PAPOLA: variants seen among roughly 807,000 people sequenced by gnomAD.
PAPOLA encodes the protein poly(A) polymerase alpha.
In PAPOLA, 15 loss-of-function variants were observed where a neutral mutation model predicts 100.6. That is an observed-to-expected ratio of 0.15 (90% confidence interval 0.10 to 0.23). The LOEUF (loss-of-function observed/expected upper bound fraction) is 0.23. Ranked by LOEUF, PAPOLA falls within the 10% of genes least tolerant of loss-of-function variation. The pLI is 1.00. For missense variants in PAPOLA, 533 were observed against 884.2 expected (o/e 0.60, Z 5.04); for synonymous variants, 293 against 300.0 (o/e 0.98, Z 0.24).
chr14:96,564,370 A>G (rs931991209), intron 21 of PAPOLA, among the ~76,000 whole-genome samples: 4 of 152,118 alleles, frequency 2.6e-5, no homozygotes, highest in African/African-American at 9.6e-5. Flanking sequence ...ATTTTCCATA[A>G]TAAAACTTTT....
At chr14:96,543,620 A>G (rs1376019912) in intron 14 of PAPOLA, among the ~76,000 whole-genome samples, 1 of 151,972 alleles carries the variant, frequency 6.6e-6, no homozygotes, top group Non-Finnish European at 1.5e-5. Context: ...TTCTAATCTT[A>G]ATTATAACAA....
intron 17 of PAPOLA, among the ~76,000 whole-genome samples, chr14:96,554,004 T>C (rs1025311105): frequency 6.6e-6 from 1 of 152,230 alleles, no homozygotes; most frequent in Non-Finnish European, 1.5e-5. Context: ...GTGTTATCAT[T>C]TTAAAAGTTT....
chr14:96,518,505 T>C (rs1459301047), intron 1 of PAPOLA, among the ~76,000 whole-genome samples: 1 of 151,764 alleles, frequency 6.6e-6, no homozygotes, highest in African/African-American at 2.4e-5. Flanking sequence ...GCCTCCCAGG[T>C]TCACGCCATT....
intron 10 of PAPOLA, 56 bp downstream of exon 10, chr14:96,534,619 T>C (rs1300112629): frequency 6.2e-7 from 1 of 1,612,704 alleles, no homozygotes; most frequent in Admixed American, 1.7e-5. Context: ...CAAGTAAAAA[T>C]CATCTGCATA....
In PAPOLA at chr14:96,502,459, C is replaced by T; in HGVS notation, c.-134C>T. ...GGAGAAGCGCTTAAAGCGGCGGGAG[C>T]GGTGCGGGAGAGGGGTTGGACCCAG... On this transcript the variant is annotated 5_prime_UTR_variant, in exon 1 of 22. Coordinates refer to ENST00000216277, the MANE Select transcript of PAPOLA (RefSeq NM_032632.5). 2.8e-6 allele frequency: 2 copies of T among 715,708 alleles called. No individual in the cohort carries two copies. The highest frequency in any genetic ancestry group is 4.9e-6 in the Non-Finnish European group (2 of 404,840). 44.3% of individuals were successfully genotyped at this position (715,708 alleles called of 1,614,324 possible). A position where few individuals can be genotyped will look rare whatever the true frequency, so the allele number is the denominator to read the frequency against.
chr14:96,508,749 C>G (rs1010389095), intron 1 of PAPOLA, among the ~76,000 whole-genome samples: 4 of 152,136 alleles, frequency 2.6e-5, no homozygotes, highest in African/African-American at 9.7e-5. Flanking sequence ...GTGTGTGTGT[C>G]TCTTTTATTC....
chr14:96,522,392 T>A (rs1898076069), intron 3 of PAPOLA, among the ~76,000 whole-genome samples: 1 of 151,982 alleles, frequency 6.6e-6, no homozygotes, highest in Non-Finnish European at 1.5e-5. Flanking sequence ...GTGCTGGGAT[T>A]ACAGGCGTGA....
intron 1 of PAPOLA, among the ~76,000 whole-genome samples, chr14:96,508,360 T>C (rs1331167479): frequency 6.6e-6 from 1 of 152,264 alleles, no homozygotes; most frequent in Non-Finnish European, 1.5e-5. Context: ...GGAGTTTTTG[T>C]AGTGAATTGC....
intron 12 of PAPOLA, chr14:96,537,718 A>G (rs1001026122): frequency 6.6e-6 from 1 of 152,068 alleles, no homozygotes; most frequent in African/African-American, 2.4e-5. Context: ...TAAAAAACAG[A>G]CAAACCACAG....
chr14:96,527,783 G>T (rs1898621158), intron 5 of PAPOLA, 170 bp from the exon 6 acceptor site: 1 of 651,466 alleles, frequency 1.5e-6, no homozygotes, highest in Admixed American at 2.5e-5. Flanking sequence ...TCATACATCT[G>T]ATGAGTGGGT....
chr14:96,545,788 C>T (rs370500861), intron 15 of PAPOLA, among the ~76,000 whole-genome samples: 16 of 151,860 alleles, frequency 1.1e-4, no homozygotes, highest in South Asian at 4.2e-4. Context: ...TTTAGAATGT[C>T]GTATGTAGGG....
intron 3 of PAPOLA, among the ~76,000 whole-genome samples, chr14:96,524,494 CCTTCCCCTTCCCTT>C (rs1306898049): frequency 2.0e-5 from 3 of 151,882 alleles, no homozygotes; most frequent in Non-Finnish European, 4.4e-5. Flanking sequence ...TTCCCGTTCC[CCTTCCCCTTCCCTT>C]CTTCCCCTCT....
At chr14:96,503,203 C>T (rs1178045141) in intron 1 of PAPOLA, among the ~76,000 whole-genome samples, 2 of 152,234 alleles carry the variant, frequency 1.3e-5, no homozygotes, top group South Asian at 4.1e-4. Context: ...GCCTCCACCT[C>T]CGCCTCCCTA....
intron 16 of PAPOLA, among the ~76,000 whole-genome samples, chr14:96,548,463 A>AT (rs1327423665): frequency 3.9e-5 from 6 of 152,144 alleles, no homozygotes; most frequent in Non-Finnish European, 5.9e-5. Context: ...ACTTAGAGCC[A>AT]TTTTTTCCTT....
chr14:96,545,752 C>T (rs1293409221), intron 15 of PAPOLA, among the ~76,000 whole-genome samples: 1 of 151,950 alleles, frequency 6.6e-6, no homozygotes, highest in African/African-American at 2.4e-5. Context: ...TTAATCAATA[C>T]AATAACAAAA....
chr14:96,514,353 T>G (rs973213428), intron 1 of PAPOLA, among the ~76,000 whole-genome samples: 23 of 151,948 alleles, frequency 1.5e-4, no homozygotes, highest in African/African-American at 5.5e-4. Flanking sequence ...TTTTTTTTTT[T>G]GTTATGTTTA....
chr14:96,550,142 C>T lies in PAPOLA; in HGVS notation c.1521+2224C>T, dbSNP rs560514304. 3.9e-5 allele frequency among the ~76,000 whole-genome samples: 6 copies of T among 152,150 alleles called. No individual in the cohort carries two copies. In the South Asian group the frequency reaches 1.2e-3, roughly 32 times the overall value. ...TCAGTCTGAGTGACAGAACGAGACCCTGTCTCTTACAAAATAATAATTTTT... is the reference window on the plus strand; with the variant it reads ...TCAGTCTGAGTGACAGAACGAGACCTTGTCTCTTACAAAATAATAATTTTT... On this transcript the variant is annotated intron_variant, in intron 16 of 21. Transcript: ENST00000216277.
At chr14:96,502,635 C>G in intron 1 of PAPOLA, 35 bp downstream of exon 1, 2 of 1,563,022 alleles carry the variant, frequency 1.3e-6, no homozygotes, top group Non-Finnish European at 1.7e-6. Flanking sequence ...TTTCGCTCGC[C>G]GGCTGGGCCT....
chr14:96,524,755 A>G (rs1240610160), intron 3 of PAPOLA, among the ~76,000 whole-genome samples: 1 of 152,158 alleles, frequency 6.6e-6, no homozygotes, highest in Non-Finnish European at 1.5e-5. Context: ...TCTGGGCTCA[A>G]GCAATTGGCC....
Sources: allele counts gnomAD v4.1 joint callset (sites outside exome capture counted in the v4.1 genomes callset), GRCh38; gene constraint gnomAD v4.1.1; transcripts MANE v1.5; gene names NCBI Gene and HGNC (gene_info 2026-07-23, HGNC 2026-07-21).